The following LAMA4 variants were observed in gnomAD, a reference collection of about 807,000 sequenced individuals.
LAMA4 encodes the protein laminin subunit alpha-4.
In LAMA4, 127 loss-of-function variants were observed where a neutral mutation model predicts 207.1. The ratio of observed to expected loss-of-function variants is 0.61; its 90% CI spans 0.53 to 0.71. The LOEUF is 0.71. Ranked by LOEUF, LAMA4 falls within the 30% of genes least tolerant of loss-of-function variation. The pLI is 0.00. For missense variants in LAMA4, 2,093 were observed against 2,246.5 expected (o/e 0.93, Z 1.38); for synonymous variants, 761 against 816.0 (o/e 0.93, Z 1.15).
In LAMA4 at chr6:112,117,602, G is replaced by C; in HGVS notation, c.4981+137C>G. 1 of 793,836 alleles carries C rather than the reference G, an allele frequency of 1.3e-6. No homozygotes were observed. Among genetic ancestry groups the C allele is most frequent in the South Asian group, 1.5e-5 (1 of 68,668 alleles). 49.2% of individuals were successfully genotyped at this position (793,836 alleles called of 1,614,324 possible). A position where few individuals can be genotyped will look rare whatever the true frequency, so the allele number is the denominator to read the frequency against. ...TTTGGAGTGCAGGAGGGAGAAAGGT[G>C]GTTCTTGTGGGAAGAGGTCATCTTC... On this transcript the variant is annotated intron_variant, in intron 35 of 38. Coordinates refer to ENST00000230538, the MANE Select transcript of LAMA4 (RefSeq NM_001105206.3). The surrounding 1 kb of genome is among the most constrained non-coding windows in gnomAD (Gnocchi z 4.5).
At chr6:112,159,920 C>T (rs1162408839) in intron 13 of LAMA4, among the ~76,000 whole-genome samples, 1 of 152,114 alleles carries the variant, frequency 6.6e-6, no homozygotes, top group Admixed American at 6.5e-5. Flanking sequence ...CCTGAGTTTT[C>T]CTGTGTTCCT....
intron 35 of LAMA4, among the ~76,000 whole-genome samples, chr6:112,116,439 C>CACGGTGAGTGGGAGG (rs1778024087): frequency 6.6e-6 from 1 of 151,978 alleles, no homozygotes; most frequent in Non-Finnish European, 1.5e-5. Context: ...TGAGTGGGAG[C>CACGGTGAGTGGGAGG]CACACTGGGA....
rs1554330361 is a variant in LAMA4, at chr6:112,132,903, AC to A, written c.3697-14del. On this transcript the variant is annotated splice_polypyrimidine_tract_variant and intron_variant, in intron 27 of 38. Coordinates refer to ENST00000230538, the MANE Select transcript of LAMA4 (RefSeq NM_001105206.3). ...CTCTGCGAGATATCTGTGTGCCAGA[AC>A]AAGTGGAGATAGTGTTTTTGAGAAT... is the stretch of plus-strand genomic sequence containing the variant. 5 of 1,612,172 alleles carry A rather than the reference AC, an allele frequency of 3.1e-6. No individual in the cohort carries two copies. Among genetic ancestry groups the A allele is most frequent in the Non-Finnish European group, 4.2e-6 (5 of 1,178,880 alleles).
At chr6:112,112,903 C>T (rs1777787115) in intron 38 of LAMA4, among the ~76,000 whole-genome samples, 2 of 152,040 alleles carry the variant, frequency 1.3e-5, no homozygotes, top group African/African-American at 4.8e-5. Flanking sequence ...AAATCTCCAC[C>T]AAGCCAAGCA....
chr6:112,116,723 C>G (rs1398880753), intron 35 of LAMA4, among the ~76,000 whole-genome samples: 1 of 152,080 alleles, frequency 6.6e-6, no homozygotes, highest in Non-Finnish European at 1.5e-5. Flanking sequence ...TTAATGTATC[C>G]TATAAATCAT....
At chr6:112,157,510 A>C (rs1780789856) in intron 14 of LAMA4, among the ~76,000 whole-genome samples, 1 of 152,220 alleles carries the variant, frequency 6.6e-6, no homozygotes. Context: ...GCTTTCATGA[A>C]TATATAGTCA....
At chr6:112,204,474 CAA>C (rs11287023) in intron 4 of LAMA4, among the ~76,000 whole-genome samples, 66 of 136,056 alleles carry the variant, frequency 4.9e-4, no homozygotes, top group Non-Finnish European at 7.3e-4. Context: ...CTGCTACTGC[CAA>C]AAAAAAAAAA....
chr6:112,249,818 G>A (rs1227832331), intron 2 of LAMA4, among the ~76,000 whole-genome samples: 1 of 152,152 alleles, frequency 6.6e-6, no homozygotes, highest in Admixed American at 6.5e-5. Context: ...CTAAAATAAG[G>A]TTTTTGAAGC....
chr6:112,189,506 A>G (rs782421356), intron 6 of LAMA4, among the ~76,000 whole-genome samples: 23 of 152,158 alleles, frequency 1.5e-4, no homozygotes, highest in Non-Finnish European at 2.6e-4. Flanking sequence ...TTTAGTCCAA[A>G]AATGTCCTGG....
intron 22 of LAMA4, 150 bp downstream of exon 22, chr6:112,140,610 G>T: frequency 1.4e-6 from 1 of 732,502 alleles, no homozygotes; most frequent in Non-Finnish European, 2.4e-6. Context: ...TTACACATCA[G>T]GTTTATAGAT....
intron 16 of LAMA4, among the ~76,000 whole-genome samples, chr6:112,152,664 T>C (rs1396476201): frequency 6.6e-6 from 1 of 152,104 alleles, no homozygotes; most frequent in Non-Finnish European, 1.5e-5. Context: ...ACCCCTTTGC[T>C]GTTCTATTAG....
intron 31 of LAMA4, among the ~76,000 whole-genome samples, chr6:112,124,042 A>G (rs1778534571): frequency 6.6e-6 from 1 of 152,182 alleles, no homozygotes; most frequent in African/African-American, 2.4e-5. Flanking sequence ...TTCCCCAAAT[A>G]CATGCTCTAT....
chr6:112,126,947 C>T (rs1778727771), intron 31 of LAMA4, among the ~76,000 whole-genome samples: 1 of 152,116 alleles, frequency 6.6e-6, no homozygotes, highest in African/African-American at 2.4e-5. Flanking sequence ...AGCAATTTTA[C>T]TTTTAGGAAC....
chr6:112,120,172 G>A (rs1778264870), intron 33 of LAMA4, 111 bp downstream of exon 33: 17 of 868,148 alleles, frequency 2.0e-5, no homozygotes, highest in Non-Finnish European at 3.0e-5. Context: ...TGAGTGTGCA[G>A]CAGCAGAATT....
At chr6:112,174,150 G>A (rs915864938) in intron 11 of LAMA4, among the ~76,000 whole-genome samples, 4 of 152,248 alleles carry the variant, frequency 2.6e-5, no homozygotes, top group African/African-American at 4.8e-5. Flanking sequence ...CAAGAGTGGA[G>A]TCTATCTCTC....
chr6:112,202,865 C>T (rs972187128), intron 4 of LAMA4, among the ~76,000 whole-genome samples: 7 of 152,196 alleles, frequency 4.6e-5, no homozygotes, highest in South Asian at 2.1e-4. Context: ...AGCCTGCCCA[C>T]GCTTGAAGCA....
chr6:112,196,970 T>C (rs1296579146), intron 5 of LAMA4, among the ~76,000 whole-genome samples: 1 of 152,104 alleles, frequency 6.6e-6, no homozygotes, highest in Non-Finnish European at 1.5e-5. Flanking sequence ...AAAGAAGCCA[T>C]TGTGTGATTC....
chr6:112,208,909 G>T (rs1784216060), intron 3 of LAMA4, among the ~76,000 whole-genome samples: 1 of 152,116 alleles, frequency 6.6e-6, no homozygotes, highest in African/African-American at 2.4e-5. Flanking sequence ...AATAAAGTAT[G>T]ATATGCAGAC....
chr6:112,184,689 C>T (rs782474862), intron 9 of LAMA4, among the ~76,000 whole-genome samples: 6 of 151,934 alleles, frequency 3.9e-5, no homozygotes, highest in Admixed American at 2.0e-4. Context: ...GTAGTTTGTT[C>T]TATTTTCTTG....
Sources: gnomAD v4.1 joint callset for allele counts (sites outside exome capture counted in the v4.1 genomes callset) on GRCh38, gnomAD v4.1.1 for gene constraint, Gnocchi (gnomAD v3.1) non-coding constraint, MANE v1.5 for transcripts, NCBI Gene and HGNC (gene_info 2026-07-23, HGNC 2026-07-21) for gene names.